The following LOC128462377 variants were observed in gnomAD, a reference collection of about 807,000 sequenced individuals.
the LOC128462377 span, among the ~76,000 whole-genome samples, chr16:89,366,956 C>T: frequency 6.6e-6 from 1 of 152,242 alleles, no homozygotes; most frequent in Non-Finnish European, 1.5e-5. Context: ...CAAAGACAGA[C>T]CCACAGGCTG....
the LOC128462377 span, among the ~76,000 whole-genome samples, chr16:89,354,533 C>T: frequency 1.3e-5 from 2 of 152,174 alleles, no homozygotes; most frequent in African/African-American, 4.8e-5. Flanking sequence ...AGGGAGGGCA[C>T]TTCTAGGCTG....
chr16:89,414,994 G>C, the LOC128462377 span, among the ~76,000 whole-genome samples: 1 of 152,144 alleles, frequency 6.6e-6, no homozygotes, highest in Non-Finnish European at 1.5e-5. Context: ...GCCCAGGCTG[G>C]AGTGCAGTGG....
chr16:89,326,609 G>A, the LOC128462377 span, among the ~76,000 whole-genome samples: 13 of 152,054 alleles, frequency 8.5e-5, no homozygotes, highest in Non-Finnish European at 8.8e-5. Context: ...AGTCGAGGTG[G>A]CACGCACCTG....
the LOC128462377 span, among the ~76,000 whole-genome samples, chr16:89,327,866 T>C: frequency 1.3e-5 from 2 of 151,974 alleles, no homozygotes; most frequent in Non-Finnish European, 2.9e-5. Flanking sequence ...GCACAATCCA[T>C]AAAAGAAAAA....
the LOC128462377 span, among the ~76,000 whole-genome samples, chr16:89,341,702 G>A: frequency 1.1e-4 from 17 of 152,242 alleles, no homozygotes; most frequent in Admixed American, 3.3e-4. Context: ...CTATTCATCT[G>A]CATAATGATA....
At chr16:89,346,087 C>CAA in the LOC128462377 span, among the ~76,000 whole-genome samples, 10 of 142,366 alleles carry the variant, frequency 7.0e-5, no homozygotes, top group African/African-American at 2.3e-4. Flanking sequence ...ACTAACAACA[C>CAA]AAAAAAAAAA....
chr16:89,399,831 G>A, the LOC128462377 span, among the ~76,000 whole-genome samples: 4 of 152,130 alleles, frequency 2.6e-5, no homozygotes, highest in African/African-American at 9.7e-5. Flanking sequence ...TGACCATCCT[G>A]TCAGAAAGAC....
At chr16:89,387,696 A>AG in the LOC128462377 span, among the ~76,000 whole-genome samples, 38 of 138,076 alleles carry the variant, frequency 2.8e-4, no homozygotes, top group African/African-American at 9.5e-4. Context: ...GAAAAAGAAA[A>AG]AAAAAAAAAA....
the LOC128462377 span, among the ~76,000 whole-genome samples, chr16:89,319,778 G>A: frequency 6.6e-6 from 1 of 152,252 alleles, no homozygotes; most frequent in Non-Finnish European, 1.5e-5. Flanking sequence ...GCAGGCACCA[G>A]GCGTGCAGCA....
chr16:89,344,697 G>A, the LOC128462377 span, among the ~76,000 whole-genome samples: 2 of 152,138 alleles, frequency 1.3e-5, no homozygotes, highest in African/African-American at 4.8e-5. Flanking sequence ...GACACCTTCA[G>A]ACTGGGAAGA....
At chr16:89,324,774 A>G in the LOC128462377 span, 1 of 297,068 alleles carries the variant, frequency 3.4e-6, no homozygotes, top group Non-Finnish European at 6.6e-6. Flanking sequence ...CACAGACTGA[A>G]AGCTGCGCTG....
chr16:89,401,973 C>G, the LOC128462377 span, among the ~76,000 whole-genome samples: 1 of 150,172 alleles, frequency 6.7e-6, no homozygotes, highest in African/African-American at 2.5e-5. Context: ...CAGAAGGAAC[C>G]GGCCCTGCAG....
At chr16:89,410,361 T>C in the LOC128462377 span, among the ~76,000 whole-genome samples, 1 of 152,198 alleles carries the variant, frequency 6.6e-6, no homozygotes, top group African/African-American at 2.4e-5. Context: ...CAAGAATAAA[T>C]TTTAAACAAA....
At chr16:89,360,723 G>A in the LOC128462377 span, 2 of 152,328 alleles carry the variant, frequency 1.3e-5, no homozygotes, top group East Asian at 3.9e-4. Flanking sequence ...CAAAACTCCA[G>A]GTGTGTGTGT....
At chr16:89,377,478 G>A in the LOC128462377 span, among the ~76,000 whole-genome samples, 2 of 152,078 alleles carry the variant, frequency 1.3e-5, no homozygotes, top group East Asian at 3.9e-4. Context: ...GTGGGCCGGG[G>A]CAGGAGGGCT....
At chr16:89,361,299 C>A in the LOC128462377 span, among the ~76,000 whole-genome samples, 1 of 152,218 alleles carries the variant, frequency 6.6e-6, no homozygotes, top group Non-Finnish European at 1.5e-5. Context: ...TCCTTGGCCT[C>A]AGCACACACA....
At chr16:89,333,520 C>G in the LOC128462377 span, among the ~76,000 whole-genome samples, 4 of 152,368 alleles carry the variant, frequency 2.6e-5, no homozygotes, top group Admixed American at 1.3e-4. Context: ...CTGCACAACC[C>G]TCCGTCCCTC....
At chr16:89,352,215 A>G in the LOC128462377 span, among the ~76,000 whole-genome samples, 5 of 152,026 alleles carry the variant, frequency 3.3e-5, no homozygotes, top group South Asian at 2.1e-4. Flanking sequence ...AAAGCATGAG[A>G]CACGTTTCCC....
At chr16:89,388,296 T>TTTTTTTTA in the LOC128462377 span, among the ~76,000 whole-genome samples, 1 of 132,140 alleles carries the variant, frequency 7.6e-6, no homozygotes, top group Non-Finnish European at 1.6e-5. Flanking sequence ...GAGGCTGATT[T>TTTTTTTTA]TTTTTTTTTT....
Sources: allele counts gnomAD v4.1 joint callset (sites outside exome capture counted in the v4.1 genomes callset), GRCh38; gene constraint gnomAD v4.1.1; transcripts MANE v1.5.